Variants in COL24A1 observed in about 807,000 individuals in gnomAD.
COL24A1 encodes collagen type XXIV alpha 1 chain, also known as collagen alpha-1(XXIV) chain.
A neutral mutation model predicts 253.9 loss-of-function variants in COL24A1; 224 were observed. The ratio of observed to expected loss-of-function variants is 0.88; its 90% CI spans 0.79 to 0.99. The LOEUF is 0.99. COL24A1 is among the 50% of genes least tolerant of loss of function. The probability of loss-of-function intolerance (pLI) is 0.00; values close to 1 mark genes in which losing one functional copy is unlikely to be tolerated. For synonymous variants in COL24A1, 685 were observed against 673.7 expected, an observed-to-expected ratio of 1.02 and a Z score of -0.26; for missense variants, 2,131 against 2,068.5, an observed-to-expected ratio of 1.03 and a Z score of -0.59.
chr1:85,917,641 T>C (rs1686024651), intron 24 of COL24A1, among the ~76,000 whole-genome samples: 1 of 152,070 alleles, frequency 6.6e-6, no homozygotes, highest in South Asian at 2.1e-4. Context: ...TTCTTGATGA[T>C]TTTCAGGAAT....
At chr1:86,147,421 G>C (rs12758526) in intron 1 of COL24A1, among the ~76,000 whole-genome samples, 15,336 of 152,266 alleles carry the variant, frequency 0.1, 987 homozygotes, top group Non-Finnish European at 0.15. Context: ...ACAAGGTTTC[G>C]ATAGAATACT....
intron 3 of COL24A1, among the ~76,000 whole-genome samples, chr1:86,119,661 C>A (rs181192068): frequency 1.4e-4 from 22 of 152,252 alleles, no homozygotes; most frequent in Non-Finnish European, 2.2e-4. Context: ...AGGCAGCAAT[C>A]TAAATTTGAC....
At position 85,969,847 on chromosome 1, in the gene COL24A1, A is replaced by C. The variant is rs1691968576; in HGVS notation, c.2463+380T>G. The stretch of plus-strand genomic sequence containing the variant: ...TACCCATGGTATTATCTGATGAAAA[A>C]ATTGGCAGAAAATACATCTTATTAG... On this transcript the variant is annotated intron_variant, in intron 22 of 59. Transcript: ENST00000370571. Among the ~76,000 whole-genome samples, 3 of 152,038 alleles carry C rather than the reference A, an allele frequency of 2.0e-5. No homozygotes were observed. In the South Asian group the frequency reaches 6.2e-4, roughly 32 times the overall value.
At chr1:85,766,379 AAAAAAAAAAAAG>A (rs1405566900) in intron 53 of COL24A1, among the ~76,000 whole-genome samples, 3 of 143,158 alleles carry the variant, frequency 2.1e-5, no homozygotes, top group Non-Finnish European at 4.6e-5. Context: ...AAAAAAAAAA[AAAAAAAAAAAAG>A]AAAGAAAGAA....
intron 19 of COL24A1, among the ~76,000 whole-genome samples, chr1:85,997,607 A>C (rs192050577): frequency 1.3e-3 from 200 of 152,082 alleles, no homozygotes; most frequent in African/African-American, 4.6e-3. Context: ...ACATGGTGAA[A>C]CCTCATCTCT....
intron 20 of COL24A1, among the ~76,000 whole-genome samples, chr1:85,981,384 A>G (rs1693243529): frequency 6.6e-6 from 1 of 152,180 alleles, no homozygotes; most frequent in Non-Finnish European, 1.5e-5. Context: ...AAAAACATAA[A>G]GTGGGGAAAG....
At chr1:85,822,225 C>T (rs1237253457) in intron 45 of COL24A1, among the ~76,000 whole-genome samples, 2 of 152,110 alleles carry the variant, frequency 1.3e-5, no homozygotes. Flanking sequence ...AAGTGAATGC[C>T]TATTTAACAT....
rs548678278 is a variant in COL24A1 at position 85,992,191 on chromosome 1, C to T, written c.2311-4537G>A. On this transcript the variant is annotated intron_variant, in intron 19 of 59. Coordinates refer to ENST00000370571, the MANE Select transcript of COL24A1 (RefSeq NM_152890.7). The stretch of plus-strand genomic sequence containing the variant: ...TGCGGTGTTTGGTTTTTCGTCCTTG[C>T]GATAGTTTGCTGAGAATGATGGTTT... Among the ~76,000 whole-genome samples, 22 of 151,782 alleles carry T rather than the reference C, an allele frequency of 1.4e-4. No homozygotes were observed. In the East Asian group the frequency reaches 3.3e-3, roughly 23 times the overall value.
intron 22 of COL24A1, among the ~76,000 whole-genome samples, chr1:85,966,676 A>G (rs1691597094): frequency 6.6e-6 from 1 of 152,158 alleles, no homozygotes; most frequent in African/African-American, 2.4e-5. Context: ...TCAAATTCTG[A>G]AAAATAGAAA....
At chr1:86,123,898 CT>C (rs1189251766) in intron 3 of COL24A1, among the ~76,000 whole-genome samples, 1 of 151,786 alleles carries the variant, frequency 6.6e-6, no homozygotes, top group Non-Finnish European at 1.5e-5. Flanking sequence ...TTCTCCCATT[CT>C]ATGATTTCTA....
chr1:85,967,821 CT>C (rs1359531030), intron 22 of COL24A1, among the ~76,000 whole-genome samples: 2 of 152,260 alleles, frequency 1.3e-5, no homozygotes, highest in East Asian at 3.9e-4. Flanking sequence ...GGAGGTGAAG[CT>C]CAGGCAGTTA....
intron 20 of COL24A1, among the ~76,000 whole-genome samples, chr1:85,987,197 T>C (rs482981): frequency 0.26 from 38,733 of 151,684 alleles, 5,034 homozygotes; most frequent in Non-Finnish European, 0.28. Context: ...TTCAGGTCTT[T>C]TGTGCTATGT....
intron 57 of COL24A1, among the ~76,000 whole-genome samples, chr1:85,741,166 C>CTTA (rs1664594462): frequency 6.6e-6 from 1 of 151,224 alleles, no homozygotes; most frequent in Non-Finnish European, 1.5e-5. Flanking sequence ...AGAAAGAAGA[C>CTTA]TTATCTTGTT....
chr1:85,858,931 G>A (rs928252905), intron 37 of COL24A1, among the ~76,000 whole-genome samples: 2 of 151,818 alleles, frequency 1.3e-5, no homozygotes, highest in Admixed American at 6.6e-5. Context: ...AGCGATGGGG[G>A]TTCTTTATGT....
At chr1:86,041,461 A>C (rs1699475964) in intron 12 of COL24A1, among the ~76,000 whole-genome samples, 1 of 152,132 alleles carries the variant, frequency 6.6e-6, no homozygotes, top group Non-Finnish European at 1.5e-5. Context: ...AACTTGGTAC[A>C]AGACAGAGAC....
intron 53 of COL24A1, among the ~76,000 whole-genome samples, chr1:85,764,400 C>G (rs1203483043): frequency 6.6e-6 from 1 of 151,268 alleles, no homozygotes; most frequent in Non-Finnish European, 1.5e-5. Flanking sequence ...AGAACATAAA[C>G]TCTTCAAGTT....
intron 55 of COL24A1, among the ~76,000 whole-genome samples, chr1:85,747,143 G>A (rs146280481): frequency 0.01 from 1,289 of 128,198 alleles, 53 homozygotes; most frequent in Admixed American, 0.082. Context: ...ATGGAGTCTC[G>A]CTCTGTCACC....
At position 86,023,685 on chromosome 1, in the gene COL24A1, T is replaced by C. The variant is rs535779662; in HGVS notation, c.2050-678A>G. ...TAATGCTCTAATTCTTCAGAAACAT[T>C]ACCACTATTATCTTCTGCAAGCAAG... On this transcript the variant is annotated intron_variant, in intron 14 of 59. Transcript: ENST00000370571. Among the ~76,000 whole-genome samples the C allele has an allele frequency of 6.6e-5, 10 of 152,242 alleles. No homozygotes were observed. The East Asian group carries it at 1.7e-3, about 26-fold the overall frequency.
intron 6 of COL24A1, among the ~76,000 whole-genome samples, chr1:86,090,692 G>T (rs1703430927): frequency 6.6e-6 from 1 of 152,034 alleles, no homozygotes; most frequent in Non-Finnish European, 1.5e-5. Flanking sequence ...ATTTCTAACA[G>T]ATCATTTTTA....
Sources: gnomAD v4.1 joint callset for allele counts (sites outside exome capture counted in the v4.1 genomes callset) on GRCh38, gnomAD v4.1.1 for gene constraint, MANE v1.5 for transcripts, NCBI Gene and HGNC (gene_info 2026-07-23, HGNC 2026-07-21) for gene names.